The following SRCIN1 variants were observed in gnomAD, a reference collection of about 807,000 sequenced individuals.
The protein encoded by SRCIN1 is P130Cas-associated protein.
Under a neutral mutation model 116.2 loss-of-function variants are expected in SRCIN1, and 50 were observed. The ratio of observed to expected loss-of-function variants is 0.43; its 90% CI spans 0.34 to 0.54. SRCIN1 has a LOEUF of 0.54. Ranked by LOEUF, SRCIN1 falls within the 20% of genes least tolerant of loss-of-function variation. The pLI, the probability that SRCIN1 is intolerant of heterozygous loss-of-function variation, is 0.02. For synonymous variants in SRCIN1, 736 were observed against 750.0 expected (o/e 0.98, Z 0.30); for missense variants, 1,446 against 1,672.0 (o/e 0.86, Z 2.36).
Position 38,563,469 on chromosome 17 carries a change from G to C in SRCIN1, c.594C>G (p.His198Gln), listed in dbSNP as rs536007542. ...GEETRRVHIT[H>Q]EVSSLDTLHA... ...GCAGCGTGTCCAGGCTGCTGACCTCGTGCGTGATGTGCACGCGCCGAGTCT... is the reference window on the plus strand; with the variant it reads ...GCAGCGTGTCCAGGCTGCTGACCTCCTGCGTGATGTGCACGCGCCGAGTCT... The change falls in exon 5 of 19, where the codon CAC becomes CAG. Residue 198 changes from histidine (H) to glutamine (Q), a missense_variant. Physicochemically the swap from His to Gln is conservative, Grantham distance 24. Coordinates refer to ENST00000617146, the MANE Select transcript of SRCIN1 (RefSeq NM_025248.3). The surrounding 1 kb of genome is among the most constrained non-coding windows in gnomAD (Gnocchi z 5.8). 2.6e-6 allele frequency: 4 copies of C among 1,556,284 alleles called. No individual in the cohort carries two copies. The highest frequency in any genetic ancestry group is 2.4e-5 in the South Asian group (2 of 84,360).
At chr17:38,559,510 G>T in intron 10 of SRCIN1, 75 bp downstream of exon 10, 1 of 1,475,988 alleles carries the variant, frequency 6.8e-7, no homozygotes. Flanking sequence ...AGTAGGGGAT[G>T]GGGCGGGACT....
At chr17:38,587,487 C>A (rs1398049865) in intron 1 of SRCIN1, among the ~76,000 whole-genome samples, 2 of 152,130 alleles carry the variant, frequency 1.3e-5, no homozygotes, top group African/African-American at 4.8e-5. Flanking sequence ...CAGCCAGATG[C>A]CTTTCCTAGG....
intron 7 of SRCIN1, among the ~76,000 whole-genome samples, chr17:38,560,713 C>A (rs1906178604): frequency 6.6e-6 from 1 of 152,188 alleles, no homozygotes; most frequent in Non-Finnish European, 1.5e-5. Context: ...TCCACAGACC[C>A]CAGGGGCCCC....
chr17:38,553,349 G>A (rs1020133688), intron 11 of SRCIN1, among the ~76,000 whole-genome samples: 4 of 152,172 alleles, frequency 2.6e-5, no homozygotes, highest in South Asian at 2.1e-4. Context: ...CTTCAGAAGC[G>A]CTCCCTAAGA....
intron 8 of SRCIN1, 30 bp from the exon 9 acceptor site, chr17:38,560,127 G>C: frequency 6.5e-7 from 1 of 1,532,946 alleles, no homozygotes; most frequent in African/African-American, 1.4e-5. Flanking sequence ...GCCATCAGGG[G>C]GTCCAGGCCA....
chr17:38,566,537 C>T (rs1203602136), intron 3 of SRCIN1, among the ~76,000 whole-genome samples: 1 of 152,160 alleles, frequency 6.6e-6, no homozygotes, highest in Non-Finnish European at 1.5e-5. Context: ...AGGTAGAGAG[C>T]GCCTATCACC....
At chr17:38,559,898 G>A in intron 9 of SRCIN1, 126 bp from the exon 10 acceptor site, 2 of 1,371,228 alleles carry the variant, frequency 1.5e-6, no homozygotes, top group Non-Finnish European at 2.0e-6. Context: ...GGCTCTACCT[G>A]CCCCAAGTGG....
intron 1 of SRCIN1, among the ~76,000 whole-genome samples, chr17:38,594,529 G>C (rs1908613820): frequency 6.6e-6 from 1 of 152,078 alleles, no homozygotes; most frequent in Non-Finnish European, 1.5e-5. Context: ...CATCCAGATA[G>C]TACCCAGGGT....
Position 38,560,527 on chromosome 17 carries a change from A to T in SRCIN1, c.1701-102T>A. 6 of 996,022 alleles carry T rather than the reference A, an allele frequency of 6.0e-6. No individual in the cohort carries two copies. The South Asian group carries it at 8.8e-5, about 15-fold the overall frequency. 61.7% of individuals were successfully genotyped at this position (996,022 alleles called of 1,614,324 possible). A position where few individuals can be genotyped will look rare whatever the true frequency, so the allele number is the denominator to read the frequency against. ...TGGTAACCAGAAGAAACACCGTCCCATCCCTGGCTGCCAAAACACAGACAA... is the reference window on the plus strand; with the variant it reads ...TGGTAACCAGAAGAAACACCGTCCCTTCCCTGGCTGCCAAAACACAGACAA... On this transcript the variant is annotated intron_variant, in intron 7 of 18. Transcript: ENST00000617146.
In SRCIN1 at chr17:38,563,890, A is replaced by G. The variant is rs1906470170; in HGVS notation, c.541+228T>C. 5 of 612,378 alleles carry G rather than the reference A, an allele frequency of 8.2e-6. No individual in the cohort carries two copies. Among genetic ancestry groups the G allele is most frequent in the Non-Finnish European group, 1.4e-5 (5 of 347,102 alleles). 37.9% of individuals were successfully genotyped at this position (612,378 alleles called of 1,614,324 possible). A position where few individuals can be genotyped will look rare whatever the true frequency, so the allele number is the denominator to read the frequency against. On this transcript the variant is annotated intron_variant, in intron 4 of 18. Transcript: ENST00000617146. The surrounding 1 kb of genome is among the most constrained non-coding windows in gnomAD (Gnocchi z 5.8). ...GAGGGATGAAAGAAAGGGACAGAAA[A>G]GGAAGCAAGAGGGAGAGAGGAGGCT...
At chr17:38,543,082 C>A (rs974926097) in intron 18 of SRCIN1, 1 of 456,730 alleles carries the variant, frequency 2.2e-6, no homozygotes, top group South Asian at 1.5e-5. Context: ...GCAGTAAACA[C>A]CCACAGGTGA....
rs1451202646 is a variant in SRCIN1, at chr17:38,552,022, G to A, written c.2591C>T (p.Pro864Leu). ...FNKSVDFEMP[P>L]PSPPLNLHEL... ...ATGCAGGTTCAGCGGGGGGCTGGGG[G>A]GTGGCATTTCGAAGTCCACGCTCTT... The change falls in exon 14 of 19, where the codon CCC (proline) becomes CTC (leucine). Residue 864 changes from proline (P) to leucine (L), a missense_variant. Physicochemically the swap from Pro to Leu is moderately conservative, Grantham distance 98. Coordinates refer to ENST00000617146, the MANE Select transcript of SRCIN1 (RefSeq NM_025248.3). This position sits in a 1 kb window ranked among gnomAD's most constrained non-coding sequence, Gnocchi z 5.3. The A allele has an allele frequency of 6.2e-7, 1 of 1,613,866 alleles. No homozygotes were observed. Among genetic ancestry groups the A allele is most frequent in the Non-Finnish European group, 8.5e-7 (1 of 1,179,886 alleles).
At chr17:38,551,476 G>T in intron 14 of SRCIN1, 87 bp from the exon 15 acceptor site, 1 of 1,159,294 alleles carries the variant, frequency 8.6e-7, no homozygotes, top group Non-Finnish European at 1.2e-6. Flanking sequence ...AAGCCACGTA[G>T]GCAAGGAATA....
At chr17:38,541,819 A>G (rs542041384) in intron 18 of SRCIN1, 11 of 152,508 alleles carry the variant, frequency 7.2e-5, no homozygotes, top group Non-Finnish European at 1.3e-4. Flanking sequence ...CAGTGTGGTA[A>G]TTAGCCTGTA....
chr17:38,559,743 C>T lies in SRCIN1; in HGVS notation c.1867G>A (p.Ala623Thr). 1 of 1,532,880 alleles carries T rather than the reference C, an allele frequency of 6.5e-7. No individual in the cohort carries two copies. The highest frequency in any genetic ancestry group is 1.2e-5 in the South Asian group (1 of 81,420). 95.0% of individuals were successfully genotyped at this position (1,532,880 alleles called of 1,614,324 possible). Reference protein sequence around the residue: ...PCGSGGRSSGATPVSGPPPPS... With the variant: ...PCGSGGRSSGTTPVSGPPPPS... ...GGGGGCGGGCCGGACACCGGGGTGG[C>T]CCCGCTGCTCCGGCCGCCTGACCCA... Residue 623 changes from alanine (A) to threonine (T), a missense_variant, in exon 10 of 19, where the codon GCC (alanine) becomes ACC (threonine). By Grantham distance (58) the Ala-to-Thr change is moderately conservative. Around this residue, in one of 5 missense-constraint regions of SRCIN1, gnomAD observed 398 missense variants for 385.6 expected, o/e 1.03. Transcript: ENST00000617146.
intron 18 of SRCIN1, among the ~76,000 whole-genome samples, chr17:38,535,524 C>T (rs2040989026): frequency 6.6e-6 from 1 of 152,128 alleles, no homozygotes; most frequent in Non-Finnish European, 1.5e-5. Flanking sequence ...GGTTTTCTAA[C>T]CCCTCTCCTC....
intron 3 of SRCIN1, among the ~76,000 whole-genome samples, chr17:38,567,013 G>C (rs533851731): frequency 6.6e-6 from 1 of 151,810 alleles, no homozygotes; most frequent in East Asian, 1.9e-4. Context: ...CTGGAGCGCA[G>C]AGGTGCAAAC....
At chr17:38,535,133 T>C (rs1366771093) in intron 18 of SRCIN1, among the ~76,000 whole-genome samples, 1 of 146,560 alleles carries the variant, frequency 6.8e-6, no homozygotes, top group African/African-American at 2.5e-5. Context: ...CCCTGTTTTT[T>C]TGTTTGTTTG....
intron 1 of SRCIN1, among the ~76,000 whole-genome samples, chr17:38,603,201 G>C (rs964077157): frequency 1.2e-3 from 179 of 152,186 alleles, no homozygotes; most frequent in Non-Finnish European, 1.8e-4. Flanking sequence ...GGGAAGGGAG[G>C]GGGGAGAGGG....
Sources: allele counts gnomAD v4.1 joint callset (sites outside exome capture counted in the v4.1 genomes callset), GRCh38; gene constraint gnomAD v4.1.1; regional missense constraint gnomAD v4.1.1; non-coding constraint Gnocchi (gnomAD v3.1); transcripts MANE v1.5; gene names NCBI Gene and HGNC (gene_info 2026-07-23, HGNC 2026-07-21).